Variants in TIAM1 observed in about 807,000 individuals in gnomAD.
TIAM1 encodes the protein rho guanine nucleotide exchange factor TIAM1.
In TIAM1, 65 loss-of-function variants were observed where a neutral mutation model predicts 163.5. The ratio of observed to expected loss-of-function variants is 0.40; its 90% CI spans 0.33 to 0.49. TIAM1 has a LOEUF of 0.49. TIAM1 is among the 20% of genes least tolerant of loss of function. TIAM1 has a pLI of 0.77. For missense variants in TIAM1, 1,789 were observed against 2,044.7 expected (o/e 0.87, Z 2.41); for synonymous variants, 833 against 810.1 (o/e 1.03, Z -0.48).
intron 1 of TIAM1, among the ~76,000 whole-genome samples, chr21:31,498,823 G>A (rs1174428201): frequency 6.6e-6 from 1 of 152,118 alleles, no homozygotes; most frequent in Non-Finnish European, 1.5e-5. Context: ...GCGGGTGCCT[G>A]GAATCCCAGC....
At chr21:31,304,945 G>A (rs797011774) in intron 2 of TIAM1, among the ~76,000 whole-genome samples, 26 of 152,192 alleles carry the variant, frequency 1.7e-4, no homozygotes, top group African/African-American at 5.5e-4. Flanking sequence ...CACCCGCCTC[G>A]GCCTCCCAAA....
chr21:31,471,035 T>A (rs2045721362), intron 1 of TIAM1, among the ~76,000 whole-genome samples: 1 of 152,212 alleles, frequency 6.6e-6, no homozygotes, highest in African/African-American at 2.4e-5. Flanking sequence ...AGGTGTCGGA[T>A]GCACAAGCAA....
intron 2 of TIAM1, among the ~76,000 whole-genome samples, chr21:31,429,026 G>A (rs1180269421): frequency 6.6e-6 from 1 of 151,906 alleles, no homozygotes; most frequent in Admixed American, 6.6e-5. Context: ...TTAAGGCAGG[G>A]TCTCACTCTG....
chr21:31,226,606 T>C (rs2087988555), intron 6 of TIAM1, among the ~76,000 whole-genome samples: 1 of 152,236 alleles, frequency 6.6e-6, no homozygotes, highest in East Asian at 1.9e-4. Flanking sequence ...GTGACCTGCA[T>C]GGGATTGGTG....
intron 4 of TIAM1, among the ~76,000 whole-genome samples, chr21:31,254,901 T>G (rs2072009732): frequency 6.6e-6 from 1 of 152,030 alleles, no homozygotes; most frequent in South Asian, 2.1e-4. Context: ...AAAGACCAAC[T>G]CTCAAGGGCG....
intron 1 of TIAM1, among the ~76,000 whole-genome samples, chr21:31,546,796 G>T (rs925462389): frequency 6.6e-5 from 10 of 152,140 alleles, no homozygotes; most frequent in African/African-American, 2.4e-4. Flanking sequence ...ACTTGTTGAA[G>T]CTTGAAAAAC....
At chr21:31,329,432 A>T (rs919908689) in intron 2 of TIAM1, among the ~76,000 whole-genome samples, 1 of 152,194 alleles carries the variant, frequency 6.6e-6, no homozygotes, top group African/African-American at 2.4e-5. Context: ...TCCTTGTGGG[A>T]AGGGTGATAA....
chr21:31,298,522 C>G (rs189403941), intron 2 of TIAM1, among the ~76,000 whole-genome samples: 17 of 152,242 alleles, frequency 1.1e-4, no homozygotes, highest in African/African-American at 3.9e-4. Context: ...ATTGGCATTT[C>G]CAAATATCAG....
At chr21:31,528,139 G>C (rs951248137) in intron 1 of TIAM1, among the ~76,000 whole-genome samples, 8 of 152,140 alleles carry the variant, frequency 5.3e-5, no homozygotes, top group Non-Finnish European at 1.2e-4. Flanking sequence ...GGAGCAGGGA[G>C]GGGGGATGCC....
At chr21:31,351,869 G>A (rs9979988) in intron 2 of TIAM1, among the ~76,000 whole-genome samples, 127,528 of 151,918 alleles carry the variant, frequency 0.84, 53,647 homozygotes, top group East Asian at 0.99. Flanking sequence ...GGAGTTCAAG[G>A]CCAGCCTGGC....
chr21:31,229,901 C>T (rs2088310560), intron 6 of TIAM1, among the ~76,000 whole-genome samples: 2 of 152,190 alleles, frequency 1.3e-5, no homozygotes, highest in African/African-American at 4.8e-5. Flanking sequence ...GATCCACCCG[C>T]CTCGGCCTCC....
chr21:31,219,728 C>T (rs189498956), intron 8 of TIAM1, among the ~76,000 whole-genome samples: 6 of 149,046 alleles, frequency 4.0e-5, no homozygotes, highest in Non-Finnish European at 7.4e-5. Context: ...CAGCTTAGCA[C>T]GTTAAAAAAA....
At chr21:31,322,219 T>G (rs2075339551) in intron 2 of TIAM1, among the ~76,000 whole-genome samples, 2 of 152,202 alleles carry the variant, frequency 1.3e-5, no homozygotes, top group South Asian at 4.1e-4. Context: ...GAATATCATA[T>G]GCAAAAAGGA....
rs371869317 is a variant in TIAM1 at position 31,466,345 on chromosome 21, T to C, written c.-421-2310A>G. 2.4e-4 allele frequency among the ~76,000 whole-genome samples: 36 copies of C among 152,204 alleles called. No homozygotes were observed. The South Asian group carries it at 7.1e-3, about 30-fold the overall frequency. ...TAACAGGATTCCTGCTGAAGGCAGG[T>C]TGACTTAGACAACAAGGATAGGGAC... On this transcript the variant is annotated intron_variant, in intron 1 of 28. Coordinates refer to the TIAM1 transcript ENST00000286827.
intron 1 of TIAM1, among the ~76,000 whole-genome samples, chr21:31,556,185 A>G (rs889037665): frequency 3.9e-5 from 6 of 152,182 alleles, no homozygotes; most frequent in African/African-American, 1.2e-4. Context: ...TTCCCAGAAC[A>G]AGTACAAGAA....
chr21:31,410,341 AGT>A (rs370918419), intron 2 of TIAM1, among the ~76,000 whole-genome samples: 110 of 151,350 alleles, frequency 7.3e-4, no homozygotes, highest in African/African-American at 1.9e-3. Context: ...GGAGACTGCG[AGT>A]GTGTGTGTGT....
chr21:31,134,654 G>A (rs1031664843), intron 23 of TIAM1, among the ~76,000 whole-genome samples: 1 of 152,108 alleles, frequency 6.6e-6, no homozygotes, highest in Admixed American at 6.6e-5. Flanking sequence ...GGGATTACAG[G>A]CACCTGCCAC....
intron 1 of TIAM1, among the ~76,000 whole-genome samples, chr21:31,542,788 G>A (rs1360600500): frequency 2.0e-5 from 3 of 151,980 alleles, no homozygotes; most frequent in Admixed American, 2.0e-4. Flanking sequence ...GGTCAACATG[G>A]CAAAACCCTG....
At chr21:31,181,073 C>T (rs1334456963) in intron 15 of TIAM1, among the ~76,000 whole-genome samples, 1 of 152,164 alleles carries the variant, frequency 6.6e-6, no homozygotes, top group Non-Finnish European at 1.5e-5. Flanking sequence ...CTTTTGTATC[C>T]CAAGCTTTGA....
Sources: allele counts gnomAD v4.1 joint callset (sites outside exome capture counted in the v4.1 genomes callset), GRCh38; gene constraint gnomAD v4.1.1; transcripts MANE v1.5; gene names NCBI Gene and HGNC (gene_info 2026-07-23, HGNC 2026-07-21).